The following MACROD2 variants were observed in gnomAD, a reference collection of about 807,000 sequenced individuals.
The protein encoded by MACROD2 is ADP-ribose glycohydrolase MACROD2.
Under a neutral mutation model 70.4 loss-of-function variants are expected in MACROD2, and 36 were observed. That is an observed-to-expected ratio of 0.51 (90% CI 0.39 to 0.68). MACROD2 has a LOEUF of 0.68. Among genes scored for constraint, MACROD2 ranks in the 30% least tolerant of loss-of-function variants. The probability of loss-of-function intolerance (pLI) is 0.00; values close to 1 mark genes in which losing one functional copy is unlikely to be tolerated. For missense variants in MACROD2, 496 were observed against 538.4 expected (o/e 0.92, Z 0.78); for synonymous variants, 172 against 178.8 (o/e 0.96, Z 0.30).
chr20:14,710,111 A>C (rs1195772151), intron 5 of MACROD2, among the ~76,000 whole-genome samples: 1 of 152,202 alleles, frequency 6.6e-6, no homozygotes, highest in Non-Finnish European at 1.5e-5. Context: ...CAGCGGTCAG[A>C]AGATAATTCA....
At position 14,402,457 on chromosome 20, in the gene MACROD2, G is replaced by T. The variant is rs563923887; in HGVS notation, c.272-91022G>T. ...CTTAGATTAAGCATTTTATGCCAGT[G>T]GTGGTAAAACTGAAAAGGAAGGTTC... is the stretch of plus-strand genomic sequence containing the variant. On this transcript the variant is annotated intron_variant, in intron 3 of 17. Transcript: ENST00000684519. Among the ~76,000 whole-genome samples, 16 of 152,178 alleles carry T rather than the reference G, an allele frequency of 1.1e-4. No individual in the cohort carries two copies. In the South Asian group the frequency reaches 2.3e-3, roughly 22 times the overall value.
chr20:15,694,535 T>C (rs2050340499), intron 8 of MACROD2, among the ~76,000 whole-genome samples: 1 of 152,214 alleles, frequency 6.6e-6, no homozygotes, highest in South Asian at 2.1e-4. Context: ...TGTCTATTCA[T>C]ATTCTTAGCC....
intron 4 of MACROD2, among the ~76,000 whole-genome samples, chr20:14,642,272 T>G (rs1010329241): frequency 6.6e-6 from 1 of 152,166 alleles, no homozygotes; most frequent in Non-Finnish European, 1.5e-5. Flanking sequence ...TGGATTAGGC[T>G]TTGGCTTAAA....
At chr20:15,170,473 A>G (rs972240054) in intron 5 of MACROD2, among the ~76,000 whole-genome samples, 1 of 152,200 alleles carries the variant, frequency 6.6e-6, no homozygotes, top group African/African-American at 2.4e-5. Context: ...TTGTGCTTGC[A>G]TCTGATGATG....
At chr20:15,911,384 A>G (rs1360495422) in intron 10 of MACROD2, among the ~76,000 whole-genome samples, 1 of 152,252 alleles carries the variant, frequency 6.6e-6, no homozygotes, top group Non-Finnish European at 1.5e-5. Context: ...AAAGACAGAC[A>G]ATAAGAGTTA....
chr20:15,619,166 T>C lies in MACROD2; in HGVS notation c.645+119319T>C, dbSNP rs146627722. On this transcript the variant is annotated intron_variant, in intron 8 of 17. Transcript: ENST00000684519. ...ATCTTGTAGCCTCAGGCCGCATGACTCCTAAACCGTAATTTCTCATCTTGT... is the reference window on the plus strand; with the variant it reads ...ATCTTGTAGCCTCAGGCCGCATGACCCCTAAACCGTAATTTCTCATCTTGT... 1.2e-4 allele frequency among the ~76,000 whole-genome samples: 19 copies of C among 152,294 alleles called. No homozygotes were observed. In the East Asian group the frequency reaches 3.7e-3, roughly 29 times the overall value.
At chr20:15,574,185 C>T (rs1250239078) in intron 8 of MACROD2, among the ~76,000 whole-genome samples, 7 of 152,070 alleles carry the variant, frequency 4.6e-5, no homozygotes, top group Admixed American at 2.6e-4. Flanking sequence ...CAACTTTGGG[C>T]CAATACTGCA....
chr20:14,188,316 T>G (rs893817147), intron 3 of MACROD2, among the ~76,000 whole-genome samples: 17 of 152,138 alleles, frequency 1.1e-4, no homozygotes, highest in African/African-American at 4.1e-4. Flanking sequence ...CTAAGTAGTT[T>G]GATAAATTTT....
chr20:15,557,597 C>T (rs2048184861), intron 8 of MACROD2, among the ~76,000 whole-genome samples: 1 of 152,170 alleles, frequency 6.6e-6, no homozygotes, highest in Non-Finnish European at 1.5e-5. Context: ...GACCCTAGAG[C>T]TAAGTCAGAC....
chr20:15,293,668 G>A (rs1385544084), intron 6 of MACROD2, among the ~76,000 whole-genome samples: 2 of 152,208 alleles, frequency 1.3e-5, no homozygotes, highest in African/African-American at 4.8e-5. Flanking sequence ...AGGTATCCAG[G>A]GCCCTGTCTA....
chr20:15,010,013 T>C (rs2075069933), intron 5 of MACROD2, among the ~76,000 whole-genome samples: 1 of 152,126 alleles, frequency 6.6e-6, no homozygotes. Context: ...TGCTCCAAGA[T>C]TGGAGAGCTC....
intron 4 of MACROD2, among the ~76,000 whole-genome samples, chr20:14,661,678 C>T (rs1389829253): frequency 2.0e-5 from 3 of 151,272 alleles, no homozygotes; most frequent in African/African-American, 7.3e-5. Flanking sequence ...TAGAGCAAAA[C>T]TTTAAATACA....
Position 14,468,756 on chromosome 20 carries a change from C to T in MACROD2, c.272-24723C>T, listed in dbSNP as rs571142255. Among the ~76,000 whole-genome samples, 436 of 152,152 alleles carry T rather than the reference C, an allele frequency of 2.9e-3. 1 individual carries two copies. Among genetic ancestry groups the T allele is most frequent in the Non-Finnish European group, 5.3e-3 (363 of 68,022 alleles). ...TGAACTCTAGACCTTGTGATCCACCCGCCTTGGCCTCCCAAAGTGCTGGGA... is the reference window on the plus strand; with the variant it reads ...TGAACTCTAGACCTTGTGATCCACCTGCCTTGGCCTCCCAAAGTGCTGGGA... On this transcript the variant is annotated intron_variant, in intron 3 of 17. Coordinates refer to ENST00000684519, the MANE Select transcript of MACROD2 (RefSeq NM_001351661.2).
intron 5 of MACROD2, among the ~76,000 whole-genome samples, chr20:15,135,414 G>T (rs973862927): frequency 2.0e-5 from 3 of 150,398 alleles, no homozygotes; most frequent in Non-Finnish European, 4.5e-5. Context: ...TTCAATATAC[G>T]CAAATCAATA....
intron 2 of MACROD2, among the ~76,000 whole-genome samples, chr20:14,067,544 A>T (rs2053780059): frequency 6.6e-6 from 1 of 152,186 alleles, no homozygotes; most frequent in African/African-American, 2.4e-5. Context: ...TTTGAACTTT[A>T]TTTTTACACA....
At chr20:15,628,970 C>T (rs1237617358) in intron 8 of MACROD2, among the ~76,000 whole-genome samples, 1 of 152,204 alleles carries the variant, frequency 6.6e-6, no homozygotes, top group Non-Finnish European at 1.5e-5. Context: ...AGTATTCTAT[C>T]ACATTATGTA....
chr20:15,271,138 T>G (rs2077342717), intron 6 of MACROD2, among the ~76,000 whole-genome samples: 1 of 152,178 alleles, frequency 6.6e-6, no homozygotes, highest in African/African-American at 2.4e-5. Flanking sequence ...ATGGGTGGCT[T>G]ATATACAACC....
chr20:15,557,699 A>C (rs1336401917), intron 8 of MACROD2, among the ~76,000 whole-genome samples: 1 of 152,226 alleles, frequency 6.6e-6, no homozygotes, highest in African/African-American at 2.4e-5. Context: ...AATTGGTCTC[A>C]GAGTTTATCT....
At chr20:15,939,901 G>A (rs1490684985) in intron 12 of MACROD2, among the ~76,000 whole-genome samples, 1 of 152,152 alleles carries the variant, frequency 6.6e-6, no homozygotes, top group Non-Finnish European at 1.5e-5. Context: ...GACTTCACTG[G>A]AGGAAGTAAC....
Sources: gnomAD v4.1 joint callset for allele counts (sites outside exome capture counted in the v4.1 genomes callset) on GRCh38, gnomAD v4.1.1 for gene constraint, MANE v1.5 for transcripts, NCBI Gene and HGNC (gene_info 2026-07-23, HGNC 2026-07-21) for gene names.